Variants in BLTP1 observed in about 807,000 individuals in gnomAD.
The protein encoded by BLTP1 is bridge-like lipid transfer protein family member 1.
the BLTP1 span, chr4:122,347,841 CT>C: frequency 2.5e-6 from 3 of 1,212,620 alleles, no homozygotes; most frequent in Non-Finnish European, 3.4e-6. Context: ...ATCTTAGTTA[CT>C]CTCAGATTTC....
At chr4:122,306,908 CTT>C in the BLTP1 span, among the ~76,000 whole-genome samples, 1 of 152,108 alleles carries the variant, frequency 6.6e-6, no homozygotes, top group Non-Finnish European at 1.5e-5. Flanking sequence ...GAAAATTGCC[CTT>C]TTGGCAGTGT....
chr4:122,313,861 T>TTATATATATA, the BLTP1 span: 5 of 168,964 alleles, frequency 3.0e-5, no homozygotes, highest in African/African-American at 1.2e-4. Flanking sequence ...TACTGTGTGT[T>TTATATATATA]TATATATATA....
the BLTP1 span, chr4:122,333,940 A>T: frequency 8.8e-7 from 1 of 1,129,970 alleles, no homozygotes; most frequent in Non-Finnish European, 1.2e-6. Flanking sequence ...ATATAGCCAT[A>T]TTCTGGACAG....
the BLTP1 span, among the ~76,000 whole-genome samples, chr4:122,317,071 C>T: frequency 6.6e-6 from 1 of 152,236 alleles, no homozygotes; most frequent in South Asian, 2.1e-4. Context: ...GTGGCTGATG[C>T]CTGTAATCCC....
chr4:122,226,947 T>C, the BLTP1 span: 1 of 729,756 alleles, frequency 1.4e-6, no homozygotes, highest in Non-Finnish European at 1.9e-6. Flanking sequence ...CAAACTACAG[T>C]TTTTTCAGTT....
At chr4:122,210,852 C>CAA in the BLTP1 span, 1 of 1,602,336 alleles carries the variant, frequency 6.2e-7, no homozygotes, top group Non-Finnish European at 8.5e-7. Flanking sequence ...CCCCACCCCT[C>CAA]AAACATTAGT....
chr4:122,254,124 A>T, the BLTP1 span: 4 of 1,434,660 alleles, frequency 2.8e-6, no homozygotes, highest in South Asian at 1.3e-5. Context: ...TGCACTTAAA[A>T]CATTAGCCTC....
chr4:122,161,620 C>T, the BLTP1 span, among the ~76,000 whole-genome samples: 5 of 151,710 alleles, frequency 3.3e-5, no homozygotes, highest in African/African-American at 7.3e-5. Flanking sequence ...TTTGTAGAGA[C>T]GGCGTTTCCT....
chr4:122,163,889 G>A, the BLTP1 span, among the ~76,000 whole-genome samples: 1 of 152,074 alleles, frequency 6.6e-6, no homozygotes, highest in Non-Finnish European at 1.5e-5. Flanking sequence ...CATAATAACT[G>A]CCTTCTCTTT....
the BLTP1 span, chr4:122,289,780 C>CAAA: frequency 1.0e-6 from 1 of 980,980 alleles, no homozygotes; most frequent in Non-Finnish European, 1.2e-6. Context: ...AAATTGGCAT[C>CAAA]AAAAGGAGTT....
At chr4:122,175,945 G>A in the BLTP1 span, 34 of 1,018,342 alleles carry the variant, frequency 3.3e-5, no homozygotes, top group East Asian at 2.2e-4. Context: ...TGTTTAAAAT[G>A]TTCAATCATA....
the BLTP1 span, chr4:122,161,120 C>G: frequency 1.0e-6 from 1 of 983,792 alleles, no homozygotes; most frequent in South Asian, 4.7e-5. Context: ...AAGGAGAGCT[C>G]TAAAGTTGGT....
At chr4:122,309,343 T>G in the BLTP1 span, 1 of 1,613,588 alleles carries the variant, frequency 6.2e-7, no homozygotes, top group Non-Finnish European at 8.5e-7. Context: ...CTGCATGCTC[T>G]TCAGAGTCTC....
At chr4:122,229,187 G>A in the BLTP1 span, 3 of 1,612,046 alleles carry the variant, frequency 1.9e-6, no homozygotes, top group East Asian at 4.5e-5. Flanking sequence ...TCGTTTAGCA[G>A]TAGATGGAGC....
chr4:122,202,689 T>C, the BLTP1 span: 5 of 189,612 alleles, frequency 2.6e-5, no homozygotes, highest in Non-Finnish European at 4.9e-5. Context: ...CTTGCAGTGC[T>C]AAGAATAGCT....
the BLTP1 span, chr4:122,258,556 A>C: frequency 1.2e-5 from 12 of 1,017,736 alleles, no homozygotes; most frequent in African/African-American, 1.8e-4. Flanking sequence ...ACTGAGTGAG[A>C]GGATTGGGGT....
At chr4:122,220,406 T>G in the BLTP1 span, 1 of 1,613,020 alleles carries the variant, frequency 6.2e-7, no homozygotes, top group South Asian at 1.1e-5. Context: ...AAAAAAGGAT[T>G]TAGGGAGACC....
chr4:122,348,683 C>A, the BLTP1 span: 1 of 1,610,002 alleles, frequency 6.2e-7, no homozygotes, highest in South Asian at 1.1e-5. Context: ...ATTAAACGTT[C>A]AAATGAATAT....
the BLTP1 span, among the ~76,000 whole-genome samples, chr4:122,270,647 G>GT: frequency 2.3e-5 from 2 of 85,442 alleles, no homozygotes; most frequent in Admixed American, 2.7e-4. Context: ...GATTGTAGGA[G>GT]GGGGGGATGG....
Sources: allele counts gnomAD v4.1 joint callset (sites outside exome capture counted in the v4.1 genomes callset), GRCh38; gene constraint gnomAD v4.1.1; transcripts MANE v1.5; gene names NCBI Gene and HGNC (gene_info 2026-07-23, HGNC 2026-07-21).